The following WWP2 variants were observed in gnomAD, a reference collection of about 807,000 sequenced individuals.
The protein encoded by WWP2 is NEDD4-like E3 ubiquitin-protein ligase WWP2.
In WWP2, 57 loss-of-function variants were observed where a neutral mutation model predicts 121.0. The observed-to-expected ratio is 0.47, with a 90% CI of 0.38 to 0.59. The LOEUF is 0.59. WWP2 is among the 20% of genes least tolerant of loss of function. The pLI is 0.00. For missense variants in WWP2, 962 were observed against 1,158.9 expected (o/e 0.83, Z 2.47); for synonymous variants, 449 against 441.3 (o/e 1.02, Z -0.22).
intron 6 of WWP2, among the ~76,000 whole-genome samples, chr16:69,859,696 G>A (rs72785020): frequency 0.055 from 8,362 of 151,934 alleles, 286 homozygotes; most frequent in Middle Eastern, 0.11. Context: ...CCCTGGCCCC[G>A]ACCCCTGCAT....
chr16:69,866,054 A>C lies in WWP2; in HGVS notation c.576-5750A>C, dbSNP rs567367443. On this transcript the variant is annotated intron_variant, in intron 6 of 23. Coordinates refer to ENST00000359154, the MANE Select transcript of WWP2 (RefSeq NM_001270454.2). The stretch of plus-strand genomic sequence containing the variant: ...TGTAACGAGGTGTCTCTGACCTCGC[A>C]TCTCATCATGGCTGGGAATTAAGGT... Among the ~76,000 whole-genome samples the C allele has an allele frequency of 3.3e-5, 5 of 152,160 alleles. No individual in the cohort carries two copies. The South Asian group carries it at 1.0e-3, about 31-fold the overall frequency.
In WWP2 at chr16:69,937,347, G is replaced by A. The variant is rs1290043280; in HGVS notation, c.2238+109G>A. 5.2e-6 allele frequency: 8 copies of A among 1,529,650 alleles called. No individual in the cohort carries two copies. Among genetic ancestry groups the A allele is most frequent in the African/African-American group, 2.7e-5 (2 of 72,920 alleles). 94.8% of individuals were successfully genotyped at this position (1,529,650 alleles called of 1,614,324 possible). A position where few individuals can be genotyped will look rare whatever the true frequency, so the allele number is the denominator to read the frequency against. ...ACACTCAGCGTAAAACTCCCACTTC[G>A]GCAGGGCAGATGGGTTTGATTTGGG... is the stretch of plus-strand genomic sequence containing the variant. On this transcript the variant is annotated intron_variant, in intron 20 of 23. Coordinates refer to ENST00000359154, the MANE Select transcript of WWP2 (RefSeq NM_001270454.2). This position sits in a 1 kb window ranked among gnomAD's most constrained non-coding sequence, Gnocchi z 6.6.
intron 6 of WWP2, among the ~76,000 whole-genome samples, chr16:69,857,005 T>C (rs1273285354): frequency 6.6e-6 from 1 of 152,208 alleles, no homozygotes; most frequent in Non-Finnish European, 1.5e-5. Flanking sequence ...AGTTCATTTA[T>C]GTTTCTCGTG....
chr16:69,781,750 A>G (rs2055669012), intron 1 of WWP2, among the ~76,000 whole-genome samples: 1 of 152,082 alleles, frequency 6.6e-6, no homozygotes, highest in South Asian at 2.1e-4. Context: ...AAAGAGATTT[A>G]TTCTTTGTAT....
At chr16:69,771,527 A>G (rs2055415813) in intron 1 of WWP2, among the ~76,000 whole-genome samples, 1 of 152,158 alleles carries the variant, frequency 6.6e-6, no homozygotes, top group Admixed American at 6.5e-5. Context: ...GATTATAGGC[A>G]TGAGGCACAG....
At chr16:69,924,071 C>T (rs1046773361) in intron 10 of WWP2, among the ~76,000 whole-genome samples, 1 of 152,230 alleles carries the variant, frequency 6.6e-6, no homozygotes, top group African/African-American at 2.4e-5. Flanking sequence ...CACTTGCATT[C>T]TGTGTGGGCA....
chr16:69,939,435 G>A (rs563012425), intron 23 of WWP2, 22 bp downstream of exon 23: 1 of 1,613,684 alleles, frequency 6.2e-7, no homozygotes. Flanking sequence ...GGTTTTAGTG[G>A]GAGGTCGGGG....
intron 5 of WWP2, 52 bp downstream of exon 5, chr16:69,840,315 C>CGGGGACTGGGTGGGGCGGGGG: frequency 8.2e-7 from 1 of 1,217,542 alleles, no homozygotes; most frequent in Non-Finnish European, 1.2e-6. Context: ...TGGGGCTGGG[C>CGGGGACTGGGTGGGGCGGGGG]GGGGGCCAGG....
intron 21 of WWP2, 76 bp from the exon 22 acceptor site, chr16:69,938,951 C>A (rs910401578): frequency 1.4e-5 from 20 of 1,403,932 alleles, no homozygotes; most frequent in Non-Finnish European, 2.0e-5. Flanking sequence ...CCCCGCTGAG[C>A]TAGAGAGCTC....
At chr16:69,826,304 A>G (rs1246675607) in intron 4 of WWP2, among the ~76,000 whole-genome samples, 1 of 151,166 alleles carries the variant, frequency 6.6e-6, no homozygotes, top group East Asian at 1.9e-4. Context: ...GCAGTGGCTT[A>G]TGCCTGTAAT....
intron 4 of WWP2, among the ~76,000 whole-genome samples, chr16:69,827,128 T>A (rs1053179738): frequency 6.7e-6 from 1 of 150,120 alleles, no homozygotes; most frequent in Non-Finnish European, 1.5e-5. Flanking sequence ...CATACATGTC[T>A]AATGTTTAAC....
chr16:69,880,879 T>G (rs1432649991), intron 7 of WWP2, among the ~76,000 whole-genome samples: 1 of 152,178 alleles, frequency 6.6e-6, no homozygotes, highest in Non-Finnish European at 1.5e-5. Flanking sequence ...GTCCTGAGTG[T>G]CCACCACGAG....
intron 2 of WWP2, among the ~76,000 whole-genome samples, chr16:69,793,615 G>A (rs2055960125): frequency 6.6e-6 from 1 of 152,098 alleles, no homozygotes; most frequent in Non-Finnish European, 1.5e-5. Context: ...GGGGCCACAG[G>A]ATAATTTGTT....
At position 69,888,045 on chromosome 16, in the gene WWP2, A is replaced by T. The variant is rs755292551; in HGVS notation, c.710A>T (p.Asp237Val). The change falls in exon 8 of 24, where the codon GAT becomes GTT. Residue 237 changes from aspartate (D) to valine (V), a missense_variant. Around this residue, in one of 3 missense-constraint regions of WWP2, gnomAD observed 211 missense variants for 196.5 expected, o/e 1.07. Transcript: ENST00000359154. ...HSGLANGTVN[D>V]EPTTATDPEE... ...ATGATTTGTGCATCTTCAGTGAATGATGAACCCACAACAGCCACTGATCCC... is the reference window on the plus strand; with the variant it reads ...ATGATTTGTGCATCTTCAGTGAATGTTGAACCCACAACAGCCACTGATCCC... 1 of 1,614,194 alleles carries T rather than the reference A, an allele frequency of 6.2e-7. No homozygotes were observed. Among genetic ancestry groups the T allele is most frequent in the South Asian group, 1.1e-5 (1 of 91,074 alleles).
intron 1 of WWP2, chr16:69,776,137 T>C (rs187621872): frequency 6.6e-6 from 1 of 152,320 alleles, no homozygotes; most frequent in East Asian, 1.9e-4. Flanking sequence ...TTAGTGGGCC[T>C]GTGTCCCAGG....
intron 1 of WWP2, among the ~76,000 whole-genome samples, chr16:69,762,634 C>T (rs997677812): frequency 2.0e-5 from 3 of 151,984 alleles, no homozygotes; most frequent in Non-Finnish European, 2.9e-5. Context: ...GGTGCCCCGG[C>T]CGCCAAGGGT....
chr16:69,862,914 G>A (rs2057451387), intron 6 of WWP2, among the ~76,000 whole-genome samples: 1 of 151,672 alleles, frequency 6.6e-6, no homozygotes, highest in Non-Finnish European at 1.5e-5. Flanking sequence ...TTTTTATGGA[G>A]ACGAGGTCTC....
rs1003580892 is a variant in WWP2 at position 69,940,078 on chromosome 16, T to C, written c.*138T>C. The C allele has an allele frequency of 2.9e-6, 2 of 692,046 alleles. No individual in the cohort carries two copies. The highest frequency in any genetic ancestry group is 4.7e-6 in the Non-Finnish European group (2 of 421,176). The allele number at this position is 692,046 out of a possible 1,614,324, so 42.9% of individuals were successfully genotyped here. On this transcript the variant is annotated 3_prime_UTR_variant, in exon 24 of 24. Transcript: ENST00000359154. ...TGGGACCACACTGTCATCTCGCTGC[T>C]GGCAGAAAAGCCTGATCCCAGGAGG...
chr16:69,910,913 C>T (rs1436033861), intron 9 of WWP2, among the ~76,000 whole-genome samples: 1 of 152,182 alleles, frequency 6.6e-6, no homozygotes, highest in Non-Finnish European at 1.5e-5. Flanking sequence ...TGGGAGATGG[C>T]TCACCTGTAC....
Sources: gnomAD v4.1 joint callset for allele counts (sites outside exome capture counted in the v4.1 genomes callset) on GRCh38, gnomAD v4.1.1 for gene constraint, gnomAD v4.1.1 regional missense constraint, Gnocchi (gnomAD v3.1) non-coding constraint, MANE v1.5 for transcripts, NCBI Gene and HGNC (gene_info 2026-07-23, HGNC 2026-07-21) for gene names.